FAM178B: variants seen among roughly 807,000 people sequenced by gnomAD.
The protein encoded by FAM178B is family with sequence similarity 178 member B, also known as protein FAM178B.
FAM178B carries 82 observed loss-of-function variants against 91.7 expected under a neutral mutation model. The observed-to-expected ratio is 0.89, with a 90% CI of 0.75 to 1.07. The LOEUF is 1.07. Among genes scored for constraint, FAM178B ranks in the 50% least tolerant of loss-of-function variants. The probability of loss-of-function intolerance (pLI) is 0.00; values close to 1 mark genes in which losing one functional copy is unlikely to be tolerated. For synonymous variants in FAM178B, 368 were observed against 359.4 expected (o/e 1.02, Z -0.27); for missense variants, 769 against 846.7 (o/e 0.91, Z 1.14).
chr2:96,943,889 G>A (rs775076068), intron 8 of FAM178B, among the ~76,000 whole-genome samples: 12 of 152,100 alleles, frequency 7.9e-5, no homozygotes, highest in South Asian at 4.1e-4. Context: ...AGATGGGTTC[G>A]CGGTGGTTTT....
intron 14 of FAM178B, among the ~76,000 whole-genome samples, chr2:96,885,928 A>AG (rs1426168610): frequency 1.3e-5 from 2 of 149,824 alleles, no homozygotes; most frequent in Non-Finnish European, 3.0e-5. Context: ...TGTAGAGTGG[A>AG]GGGGGTCACT....
At chr2:96,953,229 T>C (rs2081954191) in intron 6 of FAM178B, among the ~76,000 whole-genome samples, 1 of 152,192 alleles carries the variant, frequency 6.6e-6, no homozygotes, top group Non-Finnish European at 1.5e-5. Flanking sequence ...CCCGGTCACA[T>C]GGAGACTTTC....
chr2:96,924,531 G>A (rs1261320691), intron 9 of FAM178B, among the ~76,000 whole-genome samples: 1 of 152,216 alleles, frequency 6.6e-6, no homozygotes, highest in African/African-American at 2.4e-5. Flanking sequence ...AGGGTGGTGA[G>A]ATGCTTACGG....
chr2:96,921,324 C>A (rs1009092691), intron 11 of FAM178B, 62 bp from the exon 12 acceptor site: 1 of 1,523,182 alleles, frequency 6.6e-7, no homozygotes, highest in African/African-American at 1.4e-5. Context: ...GCTCTCGCCA[C>A]CCAGCCCGCA....
intron 16 of FAM178B, among the ~76,000 whole-genome samples, chr2:96,877,097 C>G (rs1248535562): frequency 6.6e-6 from 1 of 152,114 alleles, no homozygotes; most frequent in Non-Finnish European, 1.5e-5. Flanking sequence ...TCTTGAGAAA[C>G]GGATCTTCAT....
intron 9 of FAM178B, among the ~76,000 whole-genome samples, chr2:96,925,601 G>C (rs2081424422): frequency 6.6e-6 from 1 of 152,186 alleles, no homozygotes; most frequent in South Asian, 2.1e-4. Context: ...CCTGGGCTTA[G>C]CAGGTTAGAG....
chr2:96,960,749 G>A (rs904228910), intron 5 of FAM178B, among the ~76,000 whole-genome samples: 1 of 152,236 alleles, frequency 6.6e-6, no homozygotes, highest in East Asian at 1.9e-4. Context: ...TGCCAGGTAC[G>A]GAGGGTGAGT....
chr2:96,881,180 A>T (rs1392966098), intron 14 of FAM178B, among the ~76,000 whole-genome samples: 2 of 151,198 alleles, frequency 1.3e-5, no homozygotes, highest in Non-Finnish European at 2.9e-5. Flanking sequence ...TGAGGCAGGC[A>T]TATCACTTGA....
At chr2:96,967,700 G>C in intron 4 of FAM178B, 73 bp from the exon 5 acceptor site, 1 of 1,063,570 alleles carries the variant, frequency 9.4e-7, no homozygotes, top group Non-Finnish European at 1.4e-6. Flanking sequence ...CTGGGCTGCA[G>C]GTGTTGCCAC....
chr2:96,939,968 G>A (rs888256939), intron 8 of FAM178B, among the ~76,000 whole-genome samples: 1 of 152,100 alleles, frequency 6.6e-6, no homozygotes, highest in African/African-American at 2.4e-5. Context: ...CAATTATGAC[G>A]CTGAATTACT....
chr2:96,889,444 C>T (rs1243346938), intron 14 of FAM178B, among the ~76,000 whole-genome samples: 11 of 151,602 alleles, frequency 7.3e-5, no homozygotes, highest in African/African-American at 2.4e-4. Flanking sequence ...TGTGGGAGGC[C>T]GAGGCAGGTG....
intron 1 of FAM178B, among the ~76,000 whole-genome samples, chr2:96,983,163 C>T (rs2082384014): frequency 6.6e-6 from 1 of 151,678 alleles, no homozygotes; most frequent in South Asian, 2.1e-4. Flanking sequence ...TTCCATGAGC[C>T]ACCATGCCTG....
chr2:96,913,988 C>T lies in FAM178B; in HGVS notation c.1562+7177G>A, dbSNP rs190329203. ...CCCCCCGCAAACCTCAATGTATTTCCATCACAGGAAGAGATCAGAAGAGAG... is the reference window on the plus strand; with the variant it reads ...CCCCCCGCAAACCTCAATGTATTTCTATCACAGGAAGAGATCAGAAGAGAG... On this transcript the variant is annotated intron_variant, in intron 12 of 16. Transcript: ENST00000490605. 2.0e-3 allele frequency among the ~76,000 whole-genome samples: 305 copies of T among 152,338 alleles called. 6 individuals carry two copies. Among genetic ancestry groups the T allele is most frequent in the Admixed American group, 2.2e-3 (34 of 15,306 alleles).
intron 1 of FAM178B, among the ~76,000 whole-genome samples, chr2:96,979,275 A>AT (rs745659064): frequency 0.77 from 88,124 of 114,340 alleles, 34,887 homozygotes; most frequent in Non-Finnish European, 0.84. Flanking sequence ...GCGCCCAGGC[A>AT]TTTTTTTTTT....
At chr2:96,962,423 C>T (rs1313901244) in intron 5 of FAM178B, among the ~76,000 whole-genome samples, 6 of 53,846 alleles carry the variant, frequency 1.1e-4, no homozygotes, top group African/African-American at 1.8e-4. Context: ...TGCAAGACTT[C>T]GTCTCAAGAA....
At position 96,921,517 on chromosome 2, in the gene FAM178B, G is replaced by A. The variant is rs1316804562; in HGVS notation, c.1425C>T (p.Leu475=). 1.9e-6 allele frequency: 3 copies of A among 1,551,570 alleles called. No homozygotes were observed. The highest frequency in any genetic ancestry group is 2.6e-6 in the Non-Finnish European group (3 of 1,147,002). Residue 475 remains leucine (L), a synonymous_variant, in exon 11 of 17, where the codon CTC becomes CTT. Coordinates refer to ENST00000490605, the MANE Select transcript of FAM178B (RefSeq NM_001122646.3). ...CCCGGATGTTCTCCAGGAGCAAGAGGAGAAGCTGCTGGAGGTCAACTTTGG... is the reference window on the plus strand; with the variant it reads ...CCCGGATGTTCTCCAGGAGCAAGAGAAGAAGCTGCTGGAGGTCAACTTTGG... ...LLPKVDLQQL[L]LLLLENIREW...
intron 5 of FAM178B, among the ~76,000 whole-genome samples, chr2:96,961,314 T>G (rs73961131): frequency 3.3e-4 from 42 of 126,442 alleles, no homozygotes; most frequent in East Asian, 2.0e-3. Context: ...CAGCAGAGGG[T>G]GTGTGTGTGT....
At chr2:96,985,521 T>G (rs2082412027) in intron 1 of FAM178B, among the ~76,000 whole-genome samples, 1 of 152,204 alleles carries the variant, frequency 6.6e-6, no homozygotes, top group Admixed American at 6.6e-5. Context: ...TTTTTTGTTC[T>G]TTTACTTTCC....
chr2:96,947,787 G>T, intron 8 of FAM178B, 31 bp downstream of exon 8: 3 of 1,327,794 alleles, frequency 2.3e-6, no homozygotes, highest in South Asian at 1.3e-5. Flanking sequence ...AGCTCAGTGC[G>T]CCAATCTCCA....
Sources: allele counts gnomAD v4.1 joint callset (sites outside exome capture counted in the v4.1 genomes callset), GRCh38; gene constraint gnomAD v4.1.1; transcripts MANE v1.5; gene names NCBI Gene and HGNC (gene_info 2026-07-23, HGNC 2026-07-21).